Variants in NCKAP5 observed in about 807,000 individuals in gnomAD.
The protein encoded by NCKAP5 is NCK associated protein 5.
In NCKAP5, 92 loss-of-function variants were observed where a neutral mutation model predicts 167.0. That is an observed-to-expected ratio of 0.55 (90% CI 0.47 to 0.66). The LOEUF is 0.66. NCKAP5 is among the 30% of genes least tolerant of loss of function. The pLI, the probability that NCKAP5 is intolerant of heterozygous loss-of-function variation, is 0.00. For synonymous variants in NCKAP5, 891 were observed against 877.4 expected (o/e 1.02, Z -0.27); for missense variants, 2,378 against 2,315.0 (o/e 1.03, Z -0.56).
intron 5 of NCKAP5, among the ~76,000 whole-genome samples, chr2:133,197,999 G>T (rs2085514748): frequency 6.6e-6 from 1 of 151,976 alleles, no homozygotes. Flanking sequence ...GAATGTCTCA[G>T]CAAAGAAACA....
chr2:132,913,662 T>G (rs901221755), intron 8 of NCKAP5, among the ~76,000 whole-genome samples: 3 of 152,132 alleles, frequency 2.0e-5, no homozygotes, highest in Non-Finnish European at 4.4e-5. Flanking sequence ...TTGACTGGGT[T>G]CTGTGGCTTT....
At position 133,369,168 on chromosome 2, in the gene NCKAP5, G is replaced by T. The variant is rs553236831; in HGVS notation, c.70-66058C>A. Among the ~76,000 whole-genome samples, 5 of 152,302 alleles carry T rather than the reference G, an allele frequency of 3.3e-5. No homozygotes were observed. The South Asian group carries it at 1.0e-3, about 32-fold the overall frequency. On this transcript the variant is annotated intron_variant, in intron 3 of 19. Coordinates refer to ENST00000409261, the MANE Select transcript of NCKAP5 (RefSeq NM_207363.3). ...GAGCCATGGACAGCTTTCATCGAGG[G>T]AATCACGGGTGGGACAAAGGCACTT...
chr2:132,882,660 G>A (rs931122670), intron 8 of NCKAP5, among the ~76,000 whole-genome samples: 8 of 151,834 alleles, frequency 5.3e-5, no homozygotes, highest in African/African-American at 1.7e-4. Context: ...TTTGAAATTC[G>A]GTTCAGTTCA....
At chr2:133,666,918 T>C in the NCKAP5 span, among the ~76,000 whole-genome samples, 73 of 152,048 alleles carry the variant, frequency 4.8e-4, no homozygotes, top group African/African-American at 1.7e-3. Flanking sequence ...GAGGCAACTG[T>C]CAATCTTGTT....
chr2:133,128,602 T>TC (rs1440220001), intron 6 of NCKAP5, among the ~76,000 whole-genome samples: 1 of 151,994 alleles, frequency 6.6e-6, no homozygotes, highest in African/African-American at 2.4e-5. Context: ...CTCTCTCTTT[T>TC]TTTTTTTGTT....
intron 4 of NCKAP5, among the ~76,000 whole-genome samples, chr2:133,223,739 G>C (rs1167875340): frequency 6.6e-6 from 1 of 152,078 alleles, no homozygotes; most frequent in Admixed American, 6.5e-5. Context: ...CATAAAAGTC[G>C]GTAAGTTTAG....
chr2:132,781,324 T>G (rs1412607396), intron 14 of NCKAP5, 95 bp from the exon 15 acceptor site: 53 of 1,181,714 alleles, frequency 4.5e-5, no homozygotes, highest in Non-Finnish European at 5.0e-5. Flanking sequence ...AGTAACCTCT[T>G]TGTAGCTCTT....
At chr2:133,612,796 T>C in the NCKAP5 span, among the ~76,000 whole-genome samples, 1 of 152,212 alleles carries the variant, frequency 6.6e-6, no homozygotes, top group African/African-American at 2.4e-5. Context: ...CTACTTTTGC[T>C]TTGTCAACCT....
chr2:132,873,005 ACT>A (rs1310734915), intron 9 of NCKAP5, among the ~76,000 whole-genome samples: 1 of 152,212 alleles, frequency 6.6e-6, no homozygotes, highest in African/African-American at 2.4e-5. Context: ...CTAGGACAGG[ACT>A]TGATATAAAG....
intron 19 of NCKAP5, among the ~76,000 whole-genome samples, chr2:132,689,501 G>A (rs1302924597): frequency 2.0e-5 from 3 of 152,308 alleles, no homozygotes; most frequent in Admixed American, 6.5e-5. Flanking sequence ...GATCCTTCAT[G>A]AAGTACTGTA....
chr2:133,663,038 G>A, the NCKAP5 span, among the ~76,000 whole-genome samples: 3 of 152,066 alleles, frequency 2.0e-5, no homozygotes, highest in Non-Finnish European at 1.5e-5. Context: ...AGGCCGAGGC[G>A]GGTGGATCAT....
At chr2:133,163,548 G>A (rs959294001) in intron 5 of NCKAP5, among the ~76,000 whole-genome samples, 5 of 152,088 alleles carry the variant, frequency 3.3e-5, no homozygotes, top group African/African-American at 1.2e-4. Context: ...TATTTTTGCT[G>A]GAGTAAAATT....
intron 6 of NCKAP5, among the ~76,000 whole-genome samples, chr2:132,995,836 G>T (rs1354762212): frequency 6.6e-6 from 1 of 151,880 alleles, no homozygotes; most frequent in Non-Finnish European, 1.5e-5. Flanking sequence ...TTAGCCGGGT[G>T]TGGTGGCAGG....
At chr2:133,310,365 G>A (rs750056871) in intron 3 of NCKAP5, among the ~76,000 whole-genome samples, 1 of 152,090 alleles carries the variant, frequency 6.6e-6, no homozygotes, top group Non-Finnish European at 1.5e-5. Flanking sequence ...CTTTCCCATT[G>A]CCTCCTCAAA....
intron 16 of NCKAP5, among the ~76,000 whole-genome samples, chr2:132,734,127 A>G (rs1210851897): frequency 6.6e-6 from 1 of 152,146 alleles, no homozygotes; most frequent in Non-Finnish European, 1.5e-5. Context: ...TTTATTCTCA[A>G]CCAGACTTGC....
In NCKAP5 at chr2:132,782,111, T is replaced by G. The variant is rs755696239; in HGVS notation, c.4700A>C (p.Glu1567Ala). 8 of 1,614,064 alleles carry G rather than the reference T, an allele frequency of 5.0e-6. No homozygotes were observed. In the South Asian group the frequency reaches 8.8e-5, roughly 18 times the overall value. ...TGCTGACTTGGTGTCCTTGATAAGC[T>G]CATTTTCTGTCTCACACTGTAGTTC... is the stretch of plus-strand genomic sequence containing the variant. ...KPELQCETEN[E>A]LIKDTKSADN... Residue 1567 changes from glutamate (E) to alanine (A), a missense_variant, in exon 14 of 20, where the codon GAG becomes GCG. Glu to Ala is a moderately radical substitution (Grantham distance 107). Transcript: ENST00000409261.
At chr2:133,446,759 G>A (rs1309655667) in intron 3 of NCKAP5, among the ~76,000 whole-genome samples, 1 of 152,152 alleles carries the variant, frequency 6.6e-6, no homozygotes, top group African/African-American at 2.4e-5. Flanking sequence ...CATGTCTGGA[G>A]ATGACAGCTG....
At position 133,380,483 on chromosome 2, in the gene NCKAP5, C is replaced by G. The variant is rs115707101; in HGVS notation, c.70-77373G>C. On this transcript the variant is annotated intron_variant, in intron 3 of 19. Transcript: ENST00000409261. ...TCAATCAACCAGTATTTTTCCTCTA[C>G]ATTCTACTCTTAGAAAAAAAGAAGC... is the stretch of plus-strand genomic sequence containing the variant. Among the ~76,000 whole-genome samples, 237 of 152,278 alleles carry G rather than the reference C, an allele frequency of 1.6e-3. 2 individuals carry two copies. The highest frequency in any genetic ancestry group is 5.6e-3 in the African/African-American group (231 of 41,548).
At chr2:133,647,694 G>A in the NCKAP5 span, among the ~76,000 whole-genome samples, 1 of 66,412 alleles carries the variant, frequency 1.5e-5, no homozygotes, top group Non-Finnish European at 2.6e-5. Flanking sequence ...AAGGAAGGAA[G>A]AAAGAAGGAA....
Sources: gnomAD v4.1 joint callset for allele counts (sites outside exome capture counted in the v4.1 genomes callset) on GRCh38, gnomAD v4.1.1 for gene constraint, MANE v1.5 for transcripts, NCBI Gene and HGNC (gene_info 2026-07-23, HGNC 2026-07-21) for gene names.